Variants in ROBO1 observed in about 807,000 individuals in gnomAD.
ROBO1 encodes roundabout homolog 1.
ROBO1 carries 149 observed loss-of-function variants against 195.9 expected under a neutral mutation model. That is an observed-to-expected ratio of 0.76 (90% CI 0.67 to 0.87). The LOEUF is 0.87. Among genes scored for constraint, ROBO1 ranks in the 40% least tolerant of loss-of-function variants. The pLI is 0.00. For synonymous variants in ROBO1, 816 were observed against 733.2 expected, an observed-to-expected ratio of 1.11 and a Z score of -1.82; for missense variants, 1,933 against 2,068.3, an observed-to-expected ratio of 0.93 and a Z score of 1.27.
chr3:79,535,042 AAAC>A (rs1162350285), intron 2 of ROBO1, among the ~76,000 whole-genome samples: 1 of 151,144 alleles, frequency 6.6e-6, no homozygotes, highest in African/African-American at 2.4e-5. Context: ...CTCTCCTAGA[AAAC>A]AATTTGTAGG....
chr3:79,256,996 G>A (rs1378984488), intron 2 of ROBO1, among the ~76,000 whole-genome samples: 1 of 152,116 alleles, frequency 6.6e-6, no homozygotes, highest in Admixed American at 6.6e-5. Context: ...CCTAAACACA[G>A]TCTTACTTTG....
intron 4 of ROBO1, among the ~76,000 whole-genome samples, chr3:78,907,620 A>C (rs1366936353): frequency 6.6e-6 from 1 of 152,072 alleles, no homozygotes; most frequent in Non-Finnish European, 1.5e-5. Context: ...ATTCACATGA[A>C]AAAGAAATAT....
At chr3:79,185,052 TGTG>T (rs2081413908) in intron 2 of ROBO1, among the ~76,000 whole-genome samples, 1 of 152,194 alleles carries the variant, frequency 6.6e-6, no homozygotes, top group African/African-American at 2.4e-5. Flanking sequence ...CTCTGTAGAA[TGTG>T]GTTGATGACT....
At chr3:79,028,264 A>G (rs1298633296) in intron 3 of ROBO1, among the ~76,000 whole-genome samples, 4 of 151,944 alleles carry the variant, frequency 2.6e-5, no homozygotes, top group Non-Finnish European at 5.9e-5. Flanking sequence ...ATTTTGTTGT[A>G]TATTTTTTCT....
intron 1 of ROBO1, among the ~76,000 whole-genome samples, chr3:79,631,710 G>A (rs77831183): frequency 0.043 from 6,537 of 151,910 alleles, 199 homozygotes; most frequent in Middle Eastern, 0.078. Flanking sequence ...CTTACAAAAC[G>A]GGAGAAAATA....
At chr3:78,941,630 C>T (rs1486863983) in intron 3 of ROBO1, among the ~76,000 whole-genome samples, 2 of 152,070 alleles carry the variant, frequency 1.3e-5, no homozygotes, top group African/African-American at 2.4e-5. Flanking sequence ...AAACACATTA[C>T]GTTTGAGATA....
intron 2 of ROBO1, among the ~76,000 whole-genome samples, chr3:79,489,755 A>T (rs182861417): frequency 1.3e-5 from 2 of 152,064 alleles, no homozygotes; most frequent in South Asian, 2.1e-4. Context: ...AAATATGAAG[A>T]GGTTTCTTTA....
chr3:79,539,048 T>C (rs1444536239), intron 2 of ROBO1, among the ~76,000 whole-genome samples: 3 of 152,148 alleles, frequency 2.0e-5, no homozygotes, highest in Non-Finnish European at 2.9e-5. Flanking sequence ...ACTGAGGGGT[T>C]TGTTCCAATA....
chr3:79,323,085 C>CT (rs1175827885), intron 2 of ROBO1, among the ~76,000 whole-genome samples: 5,420 of 142,232 alleles, frequency 0.038, 274 homozygotes, highest in African/African-American at 0.12. Context: ...TTCTTTCTTT[C>CT]TTTTTTTTTT....
chr3:79,374,329 A>G (rs369820711), intron 2 of ROBO1, among the ~76,000 whole-genome samples: 3 of 151,474 alleles, frequency 2.0e-5, no homozygotes, highest in African/African-American at 7.3e-5. Flanking sequence ...AAATATTCTT[A>G]GAGCTCAAAC....
intron 1 of ROBO1, among the ~76,000 whole-genome samples, chr3:79,657,320 G>A (rs1683931362): frequency 6.6e-6 from 1 of 151,968 alleles, no homozygotes; most frequent in Admixed American, 6.6e-5. Flanking sequence ...TGAACAGAGA[G>A]GAAATACTTA....
At chr3:79,594,815 G>A (rs1245343391) in intron 1 of ROBO1, among the ~76,000 whole-genome samples, 1 of 151,868 alleles carries the variant, frequency 6.6e-6, no homozygotes, top group Non-Finnish European at 1.5e-5. Context: ...AATAGCATCC[G>A]GTGAAATTCC....
intron 1 of ROBO1, among the ~76,000 whole-genome samples, chr3:79,590,374 G>T (rs2107820218): frequency 6.6e-6 from 1 of 151,736 alleles, no homozygotes; most frequent in Admixed American, 6.6e-5. Context: ...CTGCTTTGGT[G>T]ATATAGCAGA....
intron 2 of ROBO1, among the ~76,000 whole-genome samples, chr3:79,353,020 A>G (rs1284075076): frequency 6.6e-6 from 1 of 152,168 alleles, no homozygotes; most frequent in Non-Finnish European, 1.5e-5. Flanking sequence ...ACTCTGAAAA[A>G]TTGTAGTCTT....
At chr3:79,725,719 A>G (rs1560134760) in intron 1 of ROBO1, among the ~76,000 whole-genome samples, 1 of 152,152 alleles carries the variant, frequency 6.6e-6, no homozygotes, top group African/African-American at 2.4e-5. Flanking sequence ...TCTCACAGTT[A>G]AGAAAATTTT....
At chr3:78,792,574 C>A (rs1200131374) in intron 4 of ROBO1, among the ~76,000 whole-genome samples, 1 of 152,138 alleles carries the variant, frequency 6.6e-6, no homozygotes, top group Admixed American at 6.5e-5. Context: ...AGGATTATAT[C>A]TGTCTTGACC....
chr3:79,410,426 A>G (rs2037718917), intron 2 of ROBO1, among the ~76,000 whole-genome samples: 2 of 152,054 alleles, frequency 1.3e-5, no homozygotes. Context: ...AAAAATAAAA[A>G]CAAAAATAAA....
chr3:79,715,180 T>C (rs1333530483), intron 1 of ROBO1, among the ~76,000 whole-genome samples: 1 of 152,074 alleles, frequency 6.6e-6, no homozygotes, highest in Non-Finnish European at 1.5e-5. Context: ...ACAAAGGATT[T>C]AAAATATTAC....
chr3:79,066,793 T>G (rs182468474), intron 3 of ROBO1, among the ~76,000 whole-genome samples: 7 of 152,028 alleles, frequency 4.6e-5, no homozygotes, highest in Non-Finnish European at 8.8e-5. Flanking sequence ...AATGATATTT[T>G]AGAGGGAGCC....
Sources: allele counts gnomAD v4.1 joint callset (sites outside exome capture counted in the v4.1 genomes callset), GRCh38; gene constraint gnomAD v4.1.1; transcripts MANE v1.5; gene names NCBI Gene and HGNC (gene_info 2026-07-23, HGNC 2026-07-21).